The following ITSN1 variants were observed in gnomAD, a reference collection of about 807,000 sequenced individuals.
The protein encoded by ITSN1 is intersectin-1.
ITSN1 carries 58 observed loss-of-function variants against 239.8 expected under a neutral mutation model. The ratio of observed to expected loss-of-function variants is 0.24; its 90% CI spans 0.20 to 0.30. The LOEUF is 0.30. ITSN1 is among the 10% of genes least tolerant of loss of function. The pLI is 1.00. For missense variants in ITSN1, 1,558 were observed against 2,103.3 expected (o/e 0.74, Z 5.07); for synonymous variants, 780 against 770.8 (o/e 1.01, Z -0.20).
intron 19 of ITSN1, among the ~76,000 whole-genome samples, chr21:33,800,716 ATAG>A (rs759366625): frequency 9.9e-5 from 15 of 152,184 alleles, no homozygotes; most frequent in Non-Finnish European, 1.3e-4. Context: ...CTAAAAGAAA[ATAG>A]TAGTTCCTTG....
chr21:33,878,450 G>T (rs1039869586), intron 34 of ITSN1, among the ~76,000 whole-genome samples: 2 of 151,952 alleles, frequency 1.3e-5, no homozygotes, highest in African/African-American at 4.8e-5. Context: ...GCTTGTGCCT[G>T]TACACACATA....
At chr21:33,717,939 T>G (rs1373421303) in intron 1 of ITSN1, among the ~76,000 whole-genome samples, 1 of 152,184 alleles carries the variant, frequency 6.6e-6, no homozygotes, top group African/African-American at 2.4e-5. Flanking sequence ...GATGAATAAA[T>G]AATGCCTGAT....
Position 33,761,957 on chromosome 21 carries a change from T to C in ITSN1, c.759T>C (p.Ser253=), listed in dbSNP as rs2068363157. ...CAAGAACTATTCTTATGCAGTCAAG[T>C]TTACCACAGGCTCAGCTGGCTTCAA... ...PQARTILMQS[S]LPQAQLASIW... Residue 253 remains serine (S), a synonymous_variant, in exon 9 of 40, where the codon AGT becomes AGC. Transcript: ENST00000381318. The C allele has an allele frequency of 1.2e-6, 2 of 1,613,764 alleles. No individual in the cohort carries two copies. Among genetic ancestry groups the C allele is most frequent in the Non-Finnish European group, 1.7e-6 (2 of 1,179,752 alleles).
intron 1 of ITSN1, among the ~76,000 whole-genome samples, chr21:33,681,616 T>TTTTTATTTTA (rs147580027): frequency 0.019 from 2,736 of 147,252 alleles, 43 homozygotes; most frequent in African/African-American, 0.034. Context: ...TTGGAACCAG[T>TTTTTATTTTA]TTTTATTTTA....
intron 29 of ITSN1, among the ~76,000 whole-genome samples, chr21:33,840,035 G>A (rs1338182500): frequency 2.0e-5 from 3 of 152,220 alleles, no homozygotes; most frequent in Non-Finnish European, 2.9e-5. Flanking sequence ...TTCACCACCA[G>A]AAAGGCTGCC....
intron 29 of ITSN1, 56 bp from the exon 30 acceptor site, chr21:33,856,680 G>C: frequency 6.2e-7 from 1 of 1,610,810 alleles, no homozygotes; most frequent in Non-Finnish European, 8.5e-7. Context: ...TCCGTGTGAA[G>C]TTGTGTGGGC....
At chr21:33,684,863 C>T (rs954502965) in intron 1 of ITSN1, among the ~76,000 whole-genome samples, 1 of 152,042 alleles carries the variant, frequency 6.6e-6, no homozygotes. Flanking sequence ...AATTGCTGTC[C>T]TTGTGAATTC....
At chr21:33,863,748 T>C (rs1981068475) in intron 31 of ITSN1, among the ~76,000 whole-genome samples, 1 of 152,274 alleles carries the variant, frequency 6.6e-6, no homozygotes, top group Non-Finnish European at 1.5e-5. Flanking sequence ...TTTCCATTCA[T>C]TGCAAGTTTA....
At chr21:33,879,193 T>C (rs956145585) in intron 34 of ITSN1, among the ~76,000 whole-genome samples, 1 of 152,024 alleles carries the variant, frequency 6.6e-6, no homozygotes, top group Non-Finnish European at 1.5e-5. Flanking sequence ...ACAAAAAATG[T>C]TTAGAAAACT....
At chr21:33,782,184 A>C in intron 16 of ITSN1, 51 bp downstream of exon 16, 1 of 1,564,632 alleles carries the variant, frequency 6.4e-7, no homozygotes, top group Non-Finnish European at 8.8e-7. Flanking sequence ...AATTTTTTTA[A>C]CTGTCCAAAT....
chr21:33,836,507 G>A lies in ITSN1; in HGVS notation c.3536G>A (p.Gly1179Asp), dbSNP rs760552809. 9 of 1,614,014 alleles carry A rather than the reference G, an allele frequency of 5.6e-6. 1 individual carries two copies. Among genetic ancestry groups the A allele is most frequent in the Non-Finnish European group, 3.4e-6 (4 of 1,179,992 alleles). Residue 1179 changes from glycine (G) to aspartate (D), a missense_variant, in exon 29 of 40, where the codon GGC becomes GAC. By Grantham distance (94) the Gly-to-Asp change is moderately conservative. This residue lies in a region of ITSN1 where 576 missense variants were observed against 893.3 expected (regional missense o/e 0.64). Coordinates refer to ENST00000381318, the MANE Select transcript of ITSN1 (RefSeq NM_003024.3). Reference sequence around the variant, plus strand: ...GACGATGAGCTGGCCTTCAACAAGGGCCAGATCATCAACGTCCTCAACAAG... The same window carrying A: ...GACGATGAGCTGGCCTTCAACAAGGACCAGATCATCAACGTCCTCAACAAG... ...QNDDELAFNKGQIINVLNKED... is the reference protein window; with the variant it reads ...QNDDELAFNKDQIINVLNKED...
intron 30 of ITSN1, among the ~76,000 whole-genome samples, chr21:33,857,621 G>A (rs1207355786): frequency 2.6e-5 from 4 of 152,210 alleles, no homozygotes; most frequent in African/African-American, 9.7e-5. Context: ...CAGGAAAGAC[G>A]CAGCAGGGCT....
chr21:33,801,823 G>A (rs2072027205), intron 19 of ITSN1, among the ~76,000 whole-genome samples: 1 of 152,148 alleles, frequency 6.6e-6, no homozygotes. Context: ...TGTTGGTTTG[G>A]GCATGCCACT....
chr21:33,784,195 C>T (rs930911990), intron 16 of ITSN1, among the ~76,000 whole-genome samples: 4 of 151,768 alleles, frequency 2.6e-5, no homozygotes, highest in African/African-American at 9.7e-5. Context: ...CAGGTCAGGT[C>T]GGGTGTGGTG....
rs778035952 is a variant in ITSN1, at chr21:33,794,329, G to A, written c.1825-12G>A. On this transcript the variant is annotated splice_polypyrimidine_tract_variant and intron_variant, in intron 16 of 39. Transcript: ENST00000381318. ...CATGTCGCTACATGAACTGTTTCTC[G>A]GTTAATTATAGGAACTAAGAGAAAT... 1.9e-6 allele frequency: 3 copies of A among 1,599,478 alleles called. No individual in the cohort carries two copies. The highest frequency in any genetic ancestry group is 2.6e-6 in the Non-Finnish European group (3 of 1,171,032).
rs777953537 is a variant in ITSN1, at chr21:33,772,065, G to T, written c.1047G>T (p.Thr349=). 8 of 1,613,974 alleles carry T rather than the reference G, an allele frequency of 5.0e-6. No homozygotes were observed. Among genetic ancestry groups the T allele is most frequent in the Non-Finnish European group, 6.8e-6 (8 of 1,180,006 alleles). ...QQQLEKKLPV[T]FEDKKRENFE... ...TGCTGTGTTCCTTGTCTGAAGTAAC[G>T]TTTGAAGATAAGAAGCGGGAGAACT... Residue 349 remains threonine, a synonymous_variant, in exon 12 of 40, where the codon ACG becomes ACT. Coordinates refer to ENST00000381318, the MANE Select transcript of ITSN1 (RefSeq NM_003024.3).
chr21:33,827,591 G>A (rs1056067523), intron 26 of ITSN1, among the ~76,000 whole-genome samples: 1 of 152,068 alleles, frequency 6.6e-6, no homozygotes, highest in East Asian at 1.9e-4. Flanking sequence ...GAAGATTAGA[G>A]TGTAGGTCCC....
At chr21:33,737,238 G>C (rs1270508493) in intron 5 of ITSN1, among the ~76,000 whole-genome samples, 2 of 152,166 alleles carry the variant, frequency 1.3e-5, no homozygotes, top group African/African-American at 4.8e-5. Context: ...TTACTGCTGA[G>C]AAAGTTTTAC....
chr21:33,880,004 A>G (rs1264886265), intron 34 of ITSN1, among the ~76,000 whole-genome samples: 1 of 152,088 alleles, frequency 6.6e-6, no homozygotes, highest in African/African-American at 2.4e-5. Flanking sequence ...TGATTTTTTC[A>G]GCTTACATCC....
Sources: gnomAD v4.1 joint callset for allele counts (sites outside exome capture counted in the v4.1 genomes callset) on GRCh38, gnomAD v4.1.1 for gene constraint, gnomAD v4.1.1 regional missense constraint, MANE v1.5 for transcripts, NCBI Gene and HGNC (gene_info 2026-07-23, HGNC 2026-07-21) for gene names.